The following MAPK4 variants were observed in gnomAD, a reference collection of about 807,000 sequenced individuals.
MAPK4 encodes the protein Erk3-related.
MAPK4 carries 22 observed loss-of-function variants against 47.7 expected under a neutral mutation model. That is an observed-to-expected ratio of 0.46 (90% CI 0.33 to 0.66). The LOEUF (loss-of-function observed/expected upper bound fraction) is 0.66, where lower values mean the gene tolerates loss of function less well. MAPK4 is among the 30% of genes least tolerant of loss of function. The pLI, the probability that MAPK4 is intolerant of heterozygous loss-of-function variation, is 0.02. For missense variants in MAPK4, 736 were observed against 831.7 expected, an observed-to-expected ratio of 0.88 and a Z score of 1.42; for synonymous variants, 390 against 365.7, an observed-to-expected ratio of 1.07 and a Z score of -0.76.
At chr18:50,629,720 T>C (rs1245065165) in intron 1 of MAPK4, 1 of 152,282 alleles carries the variant, frequency 6.6e-6, no homozygotes, top group Non-Finnish European at 1.5e-5. Context: ...GGTTGGGGGT[T>C]GAGCCTGGGG....
chr18:50,699,100 A>C (rs1326731935), intron 2 of MAPK4, among the ~76,000 whole-genome samples: 1 of 152,200 alleles, frequency 6.6e-6, no homozygotes, highest in Admixed American at 6.5e-5. Flanking sequence ...AAGTTGGTTT[A>C]ACATTAGAAA....
intron 1 of MAPK4, among the ~76,000 whole-genome samples, chr18:50,661,381 G>A (rs946198896): frequency 6.6e-6 from 1 of 152,202 alleles, no homozygotes; most frequent in Non-Finnish European, 1.5e-5. Context: ...GGTGCTCCCA[G>A]CACTGTCTCT....
At chr18:50,618,485 A>T (rs1427555277) in intron 1 of MAPK4, among the ~76,000 whole-genome samples, 1 of 152,164 alleles carries the variant, frequency 6.6e-6, no homozygotes, top group Non-Finnish European at 1.5e-5. Flanking sequence ...GCTTTTAAAA[A>T]ACAGTTCCAC....
chr18:50,568,962 T>C (rs2042226651), intron 1 of MAPK4, among the ~76,000 whole-genome samples: 2 of 152,238 alleles, frequency 1.3e-5, no homozygotes, highest in Admixed American at 6.5e-5. Flanking sequence ...GTAATTTTTA[T>C]GTTGAGCTTT....
intron 2 of MAPK4, chr18:50,704,525 C>T: frequency 2.5e-6 from 1 of 398,252 alleles, no homozygotes; most frequent in Non-Finnish European, 4.4e-6. Flanking sequence ...TCTTATTTCT[C>T]CTAGTCTACT....
chr18:50,712,237 G>A (rs1017747848), intron 2 of MAPK4, among the ~76,000 whole-genome samples: 10 of 152,108 alleles, frequency 6.6e-5, no homozygotes, highest in Non-Finnish European at 1.2e-4. Context: ...GACTAGCTTG[G>A]GCAACATGAC....
chr18:50,698,891 G>A (rs1167228019), intron 2 of MAPK4, among the ~76,000 whole-genome samples: 1 of 152,054 alleles, frequency 6.6e-6, no homozygotes, highest in Non-Finnish European at 1.5e-5. Context: ...TAGGTATAGT[G>A]GTGCACACCT....
chr18:50,654,823 G>A (rs1242903381), intron 1 of MAPK4, among the ~76,000 whole-genome samples: 1 of 152,222 alleles, frequency 6.6e-6, no homozygotes, highest in East Asian at 1.9e-4. Flanking sequence ...CTGGAGTTCC[G>A]ACGAGGCAGC....
chr18:50,706,457 G>GT (rs762283107), intron 2 of MAPK4, among the ~76,000 whole-genome samples: 6,389 of 140,160 alleles, frequency 0.046, 431 homozygotes, highest in African/African-American at 0.15. Context: ...CTGAACGTCA[G>GT]TTTTTTTTTT....
chr18:50,563,242 T>C (rs1046577668), intron 1 of MAPK4, among the ~76,000 whole-genome samples: 2 of 152,224 alleles, frequency 1.3e-5, no homozygotes, highest in Admixed American at 6.5e-5. Context: ...AAACGGGCTT[T>C]GCAAGATGAA....
chr18:50,646,786 G>C (rs1240020419), intron 1 of MAPK4, among the ~76,000 whole-genome samples: 1 of 152,120 alleles, frequency 6.6e-6, no homozygotes, highest in Non-Finnish European at 1.5e-5. Flanking sequence ...TATCTCTCTA[G>C]CCGTCTCTCT....
intron 1 of MAPK4, among the ~76,000 whole-genome samples, chr18:50,580,711 C>T (rs1345369872): frequency 5.9e-5 from 9 of 152,196 alleles, no homozygotes; most frequent in African/African-American, 2.2e-4. Context: ...ATGGTGTTTA[C>T]TGTTGGCCCT....
intron 1 of MAPK4, among the ~76,000 whole-genome samples, chr18:50,580,752 G>A (rs1192834596): frequency 6.6e-6 from 1 of 152,182 alleles, no homozygotes; most frequent in Admixed American, 6.5e-5. Context: ...AATATAAACT[G>A]CCATATTCTC....
chr18:50,597,917 T>C (rs184584801), intron 1 of MAPK4, among the ~76,000 whole-genome samples: 7 of 152,300 alleles, frequency 4.6e-5, no homozygotes, highest in Admixed American at 4.6e-4. Context: ...GGCACAGCAT[T>C]AGGAAGGATC....
intron 1 of MAPK4, among the ~76,000 whole-genome samples, chr18:50,577,658 C>G (rs2926292): frequency 1 from 151,766 of 152,350 alleles, 75,595 homozygotes; most frequent in East Asian, 1. Context: ...ACAATAGAAG[C>G]GTTTATAAAA....
chr18:50,699,022 C>T (rs1476347390), intron 2 of MAPK4, among the ~76,000 whole-genome samples: 1 of 150,988 alleles, frequency 6.6e-6, no homozygotes, highest in African/African-American at 2.4e-5. Flanking sequence ...AAGACTCTGT[C>T]TCAAAAAAAA....
Position 50,603,673 on chromosome 18 carries a change from A to C in MAPK4, c.-871+43430A>C, listed in dbSNP as rs182994786. Among the ~76,000 whole-genome samples the C allele has an allele frequency of 1.4e-3, 218 of 152,094 alleles. 2 individuals carry two copies. The highest frequency in any genetic ancestry group is 1.7e-3 in the East Asian group (9 of 5,182). ...TGTACAAACTAGTTTGTATATACAA[A>C]GTCTAGAACACTGCCTGGCATCTTG... On this transcript the variant is annotated intron_variant, in intron 1 of 5. Coordinates refer to ENST00000400384, the MANE Select transcript of MAPK4 (RefSeq NM_002747.4).
chr18:50,575,683 C>G (rs1159960341), intron 1 of MAPK4, among the ~76,000 whole-genome samples: 2 of 149,482 alleles, frequency 1.3e-5, no homozygotes, highest in East Asian at 2.0e-4. Context: ...AAACTATCGA[C>G]AGCAAACAGA....
At position 50,654,120 on chromosome 18, in the gene MAPK4, C is replaced by T. The variant is rs147750846; in HGVS notation, c.-870-8969C>T. Among the ~76,000 whole-genome samples, 905 of 152,330 alleles carry T rather than the reference C, an allele frequency of 5.9e-3. 4 individuals carry two copies. Among genetic ancestry groups the T allele is most frequent in the African/African-American group, 0.02 (834 of 41,578 alleles). ...ATTGCTGGTCGAAAGCAAGATAATA[C>T]GGACTCCTGTGGCTACAAGCCAAGG... is the stretch of plus-strand genomic sequence containing the variant. On this transcript the variant is annotated intron_variant, in intron 1 of 5. Coordinates refer to ENST00000400384, the MANE Select transcript of MAPK4 (RefSeq NM_002747.4).
Sources: allele counts gnomAD v4.1 joint callset (sites outside exome capture counted in the v4.1 genomes callset), GRCh38; gene constraint gnomAD v4.1.1; transcripts MANE v1.5; gene names NCBI Gene and HGNC (gene_info 2026-07-23, HGNC 2026-07-21).